Variants in WDPCP observed in about 807,000 individuals in gnomAD.
The protein encoded by WDPCP is WD repeat-containing and planar cell polarity effector protein fritz homolog.
WDPCP carries 71 observed loss-of-function variants against 93.1 expected under a neutral mutation model. The ratio of observed to expected loss-of-function variants is 0.76; its 90% CI spans 0.63 to 0.93. The LOEUF is 0.93. Ranked by LOEUF, WDPCP falls within the 40% of genes least tolerant of loss-of-function variation. WDPCP has a pLI of 0.00. For missense variants in WDPCP, 844 were observed against 887.4 expected (o/e 0.95, Z 0.62); for synonymous variants, 315 against 315.0 (o/e 1.00, Z 0.00).
intron 1 of WDPCP, among the ~76,000 whole-genome samples, chr2:63,494,311 TGAC>T (rs1005619420): frequency 1.9e-5 from 2 of 107,786 alleles, no homozygotes; most frequent in Non-Finnish European, 3.8e-5. Context: ...ACAATGATGA[TGAC>T]GATGATGATG....
chr2:63,138,029 G>A (rs1478190606), intron 17 of WDPCP, among the ~76,000 whole-genome samples: 1 of 144,638 alleles, frequency 6.9e-6, no homozygotes, highest in Non-Finnish European at 1.5e-5. Context: ...TTCTCCTTAG[G>A]ATTTCCTTGG....
chr2:63,583,888 T>A (rs1324823256), intron 1 of WDPCP, among the ~76,000 whole-genome samples: 2 of 151,916 alleles, frequency 1.3e-5, no homozygotes, highest in Admixed American at 1.3e-4. Context: ...GGAGGATCAT[T>A]CAAGCCCAGG....
intron 3 of WDPCP, among the ~76,000 whole-genome samples, chr2:63,613,964 G>C (rs113483902): frequency 6.6e-6 from 1 of 152,064 alleles, no homozygotes; most frequent in Non-Finnish European, 1.5e-5. Flanking sequence ...CACCATGCTC[G>C]GACAGACTTT....
intron 1 of WDPCP, among the ~76,000 whole-genome samples, chr2:63,513,188 A>G (rs1702344963): frequency 6.6e-6 from 1 of 152,250 alleles, no homozygotes; most frequent in Non-Finnish European, 1.5e-5. Flanking sequence ...AAAAAAGCAC[A>G]TTTAAAAAGT....
intron 13 of WDPCP, among the ~76,000 whole-genome samples, chr2:63,285,302 C>T (rs1186825374): frequency 6.6e-6 from 1 of 151,870 alleles, no homozygotes; most frequent in Non-Finnish European, 1.5e-5. Context: ...GGTGTGGTGG[C>T]GGGTGGCTGT....
chr2:63,631,383 G>T (rs920645488), intron 3 of WDPCP, among the ~76,000 whole-genome samples: 21 of 151,928 alleles, frequency 1.4e-4, no homozygotes, highest in African/African-American at 4.6e-4. Flanking sequence ...TCAAATTAAT[G>T]ATCTAAGTTT....
At chr2:63,447,330 A>T (rs1235917306) in intron 6 of WDPCP, among the ~76,000 whole-genome samples, 2 of 152,150 alleles carry the variant, frequency 1.3e-5, no homozygotes, top group African/African-American at 2.4e-5. Flanking sequence ...GCCTTATAAA[A>T]TTTTTAAAAA....
At chr2:63,818,467 G>C (rs567227876) in intron 1 of WDPCP, among the ~76,000 whole-genome samples, 1 of 152,318 alleles carries the variant, frequency 6.6e-6, no homozygotes, top group African/African-American at 2.4e-5. Context: ...TGGAGATGAG[G>C]AGAACAGTTA....
intron 17 of WDPCP, among the ~76,000 whole-genome samples, chr2:63,147,840 G>A (rs1034112633): frequency 2.0e-5 from 3 of 151,922 alleles, no homozygotes; most frequent in East Asian, 3.9e-4. Flanking sequence ...GTGGTGGCAC[G>A]TGCCTGTTAT....
At chr2:63,208,180 A>G (rs1416522895) in intron 14 of WDPCP, among the ~76,000 whole-genome samples, 11 of 152,114 alleles carry the variant, frequency 7.2e-5, no homozygotes, top group African/African-American at 2.7e-4. Flanking sequence ...ATTTGTGGGC[A>G]TGTCTTTCTA....
At chr2:63,435,242 T>A (rs1263886870) in intron 8 of WDPCP, among the ~76,000 whole-genome samples, 1 of 152,148 alleles carries the variant, frequency 6.6e-6, no homozygotes, top group Non-Finnish European at 1.5e-5. Context: ...TTTAAGGATG[T>A]TTACTCTGCA....
chr2:63,728,888 T>C (rs1669523821), intron 2 of WDPCP, among the ~76,000 whole-genome samples: 1 of 152,222 alleles, frequency 6.6e-6, no homozygotes, highest in African/African-American at 2.4e-5. Context: ...TTCATCTAAC[T>C]ATTCATCCAA....
At chr2:63,756,924 CT>C (rs1669977219) in intron 2 of WDPCP, among the ~76,000 whole-genome samples, 1 of 152,140 alleles carries the variant, frequency 6.6e-6, no homozygotes, top group Non-Finnish European at 1.5e-5. Context: ...CTACACTGTG[CT>C]CATATCAAAG....
chr2:63,152,462 G>C (rs1055794001), intron 17 of WDPCP, among the ~76,000 whole-genome samples: 22 of 151,996 alleles, frequency 1.4e-4, no homozygotes, highest in African/African-American at 5.3e-4. Context: ...TTAGTAGGGA[G>C]GGTTTTGCCA....
chr2:63,548,383 C>A (rs1415497816), intron 1 of WDPCP, among the ~76,000 whole-genome samples: 2 of 151,928 alleles, frequency 1.3e-5, no homozygotes, highest in East Asian at 3.9e-4. Flanking sequence ...TAATATGCAT[C>A]CAATAACATA....
Position 63,320,193 on chromosome 2 carries a change from G to A in WDPCP, c.1749-6882C>T, listed in dbSNP as rs139608824. On this transcript the variant is annotated intron_variant, in intron 12 of 17. Transcript: ENST00000272321. ...AGTGGAATAACATGTTTGAAGTACT[G>A]GAAGGAAGAAACACACAAAAAATTT... Among the ~76,000 whole-genome samples, 279 of 152,088 alleles carry A rather than the reference G, an allele frequency of 1.8e-3. 1 individual carries two copies. The highest frequency in any genetic ancestry group is 0.017 in the Middle Eastern group (5 of 294).
At chr2:63,665,805 T>C (rs1291606963) in intron 2 of WDPCP, among the ~76,000 whole-genome samples, 1 of 152,232 alleles carries the variant, frequency 6.6e-6, no homozygotes, top group Non-Finnish European at 1.5e-5. Context: ...GGAATAAGCA[T>C]AGACAATTCT....
At chr2:63,501,364 G>C (rs1425744461) in intron 1 of WDPCP, among the ~76,000 whole-genome samples, 1 of 152,126 alleles carries the variant, frequency 6.6e-6, no homozygotes, top group Non-Finnish European at 1.5e-5. Flanking sequence ...AGGAGTTCAA[G>C]ATCAGCCTGG....
intron 6 of WDPCP, among the ~76,000 whole-genome samples, chr2:63,451,239 C>T (rs1272267576): frequency 1.3e-5 from 2 of 151,462 alleles, no homozygotes; most frequent in Admixed American, 6.6e-5. Context: ...TGAACTAGAC[C>T]AAGCAGAAGA....
Sources: gnomAD v4.1 joint callset for allele counts (sites outside exome capture counted in the v4.1 genomes callset) on GRCh38, gnomAD v4.1.1 for gene constraint, MANE v1.5 for transcripts, NCBI Gene and HGNC (gene_info 2026-07-23, HGNC 2026-07-21) for gene names.